AGBL4: variants seen among roughly 807,000 people sequenced by gnomAD.
The protein encoded by AGBL4 is cytosolic carboxypeptidase 6.
In AGBL4, 58 loss-of-function variants were observed where a neutral mutation model predicts 66.4. The ratio of observed to expected loss-of-function variants is 0.87; its 90% CI spans 0.71 to 1.09. The LOEUF (loss-of-function observed/expected upper bound fraction) is 1.09. Among genes scored for constraint, AGBL4 ranks in the 50% least tolerant of loss-of-function variants. The pLI, the probability that AGBL4 is intolerant of heterozygous loss-of-function variation, is 0.00. For missense variants in AGBL4, 579 were observed against 631.0 expected, an observed-to-expected ratio of 0.92 and a Z score of 0.88; for synonymous variants, 234 against 222.9, an observed-to-expected ratio of 1.05 and a Z score of -0.44.
chr1:49,406,861 C>T (rs1156449188), intron 3 of AGBL4, among the ~76,000 whole-genome samples: 2 of 151,656 alleles, frequency 1.3e-5, no homozygotes, highest in Non-Finnish European at 1.5e-5. Flanking sequence ...GTCAGGAAAT[C>T]GAGACCATCC....
intron 3 of AGBL4, among the ~76,000 whole-genome samples, chr1:49,299,375 C>G (rs1456797325): frequency 2.0e-5 from 3 of 152,142 alleles, no homozygotes; most frequent in Non-Finnish European, 4.4e-5. Flanking sequence ...AGCCTTTACT[C>G]TTAAACATTA....
At chr1:49,757,051 T>C (rs1651937655) in intron 2 of AGBL4, among the ~76,000 whole-genome samples, 1 of 152,130 alleles carries the variant, frequency 6.6e-6, no homozygotes, top group Non-Finnish European at 1.5e-5. Flanking sequence ...AGGAACCTCA[T>C]GGGAGGTGAT....
intron 6 of AGBL4, among the ~76,000 whole-genome samples, chr1:48,700,324 C>G (rs1646781668): frequency 6.6e-6 from 1 of 152,208 alleles, no homozygotes; most frequent in African/African-American, 2.4e-5. Context: ...GTCCATGATG[C>G]TCCTTGTGCT....
intron 6 of AGBL4, among the ~76,000 whole-genome samples, chr1:48,816,176 G>A (rs957579856): frequency 1.3e-5 from 2 of 151,884 alleles, no homozygotes. Context: ...TGTTGATTAT[G>A]GATTTTGCTA....
chr1:48,815,870 T>C (rs1303664936), intron 6 of AGBL4, among the ~76,000 whole-genome samples: 1 of 152,224 alleles, frequency 6.6e-6, no homozygotes, highest in Admixed American at 6.5e-5. Context: ...GTTAATTATC[T>C]GCATGTTGCT....
chr1:49,089,669 A>C (rs540753781), intron 4 of AGBL4, among the ~76,000 whole-genome samples: 1 of 152,284 alleles, frequency 6.6e-6, no homozygotes, highest in South Asian at 2.1e-4. Context: ...CAGATGTATA[A>C]AGAAAAACTG....
At chr1:48,760,058 C>A (rs1414243355) in intron 6 of AGBL4, among the ~76,000 whole-genome samples, 1 of 152,180 alleles carries the variant, frequency 6.6e-6, no homozygotes, top group Non-Finnish European at 1.5e-5. Flanking sequence ...TAGTGAGATA[C>A]AAACAGAGCC....
intron 2 of AGBL4, among the ~76,000 whole-genome samples, chr1:49,747,722 T>C (rs1181241133): frequency 2.6e-5 from 4 of 152,158 alleles, no homozygotes; most frequent in African/African-American, 7.2e-5. Flanking sequence ...CCCAACTAAA[T>C]TGGAAACTTA....
rs1569679366 is a variant in AGBL4 at position 48,539,665 on chromosome 1, C to T, written c.1341G>A (p.Val447=). The T allele has an allele frequency of 6.5e-7, 1 of 1,543,904 alleles. No homozygotes were observed. The highest frequency in any genetic ancestry group is 8.8e-7 in the Non-Finnish European group (1 of 1,142,326). The change falls in exon 12 of 14, where the codon GTG becomes GTA. Residue 447 remains valine (V), a synonymous_variant. Coordinates refer to ENST00000371839, the MANE Select transcript of AGBL4 (RefSeq NM_032785.4). ...ACCGCAGTCTCGGCATGGGAATTGC[C>T]ACCTTTTCAACCACGGGGTTCAGCC... ...YYRLNPVVEK[V]AIPMPRLRNK...
intron 1 of AGBL4, among the ~76,000 whole-genome samples, chr1:49,989,416 G>A (rs998964611): frequency 2.6e-5 from 4 of 152,144 alleles, no homozygotes; most frequent in Admixed American, 2.6e-4. Context: ...CAGAGACATG[G>A]TACATAGATA....
intron 1 of AGBL4, among the ~76,000 whole-genome samples, chr1:49,879,257 G>A (rs1339021713): frequency 6.0e-5 from 9 of 149,982 alleles, no homozygotes; most frequent in African/African-American, 9.8e-5. Flanking sequence ...TCCTAGTCTC[G>A]ATGGTCTTTA....
At chr1:48,817,279 G>C (rs1646202652) in intron 6 of AGBL4, among the ~76,000 whole-genome samples, 1 of 152,102 alleles carries the variant, frequency 6.6e-6, no homozygotes, top group Admixed American at 6.5e-5. Flanking sequence ...CACTTAAAAA[G>C]GTACCTGGTT....
At chr1:48,815,909 C>T (rs930424030) in intron 6 of AGBL4, among the ~76,000 whole-genome samples, 2 of 152,164 alleles carry the variant, frequency 1.3e-5, no homozygotes, top group African/African-American at 4.8e-5. Context: ...GATGTGGTCT[C>T]TCTTTCTGAA....
In AGBL4 at chr1:49,245,858, T is replaced by C; in HGVS notation, c.289A>G (p.Ile97Val). Residue 97 changes from isoleucine to valine, a missense_variant, in exon 4 of 14, where the codon ATT becomes GTT. Physicochemically the swap from Ile to Val is conservative, Grantham distance 29. Transcript: ENST00000371839. Reference protein sequence around the residue: ...VENVKESQRVIFNIVNFSKTK... With the variant: ...VENVKESQRVVFNIVNFSKTK... ...TTACTGAAGTTAACAATGTTGAAAA[T>C]GACCCTCTGAAAAAGAAAGAGGGAG... The C allele has an allele frequency of 6.5e-7, 1 of 1,547,684 alleles. No individual in the cohort carries two copies. Among genetic ancestry groups the C allele is most frequent in the African/African-American group, 1.4e-5 (1 of 73,032 alleles).
At chr1:48,617,010 A>G (rs1350954509) in intron 9 of AGBL4, among the ~76,000 whole-genome samples, 1 of 152,042 alleles carries the variant, frequency 6.6e-6, no homozygotes, top group Non-Finnish European at 1.5e-5. Context: ...ATCATAGTAG[A>G]TGTGTTGGCA....
chr1:49,851,342 A>G, intron 2 of AGBL4, 54 bp downstream of exon 2: 1 of 1,480,376 alleles, frequency 6.8e-7, no homozygotes, highest in Middle Eastern at 1.8e-4. Flanking sequence ...CAATTCTGAA[A>G]AAAGAAATGC....
At chr1:48,693,007 C>T (rs1646657718) in intron 6 of AGBL4, among the ~76,000 whole-genome samples, 2 of 152,200 alleles carry the variant, frequency 1.3e-5, no homozygotes, top group African/African-American at 4.8e-5. Context: ...GGCCCATGGT[C>T]ACTGAGTTGG....
intron 5 of AGBL4, among the ~76,000 whole-genome samples, chr1:48,901,118 A>G (rs565605277): frequency 6.6e-6 from 1 of 152,346 alleles, no homozygotes; most frequent in African/African-American, 2.4e-5. Context: ...GCACATAAGA[A>G]AGGCTCAATA....
chr1:49,568,200 T>C (rs902958868), intron 3 of AGBL4, among the ~76,000 whole-genome samples: 1 of 152,104 alleles, frequency 6.6e-6, no homozygotes, highest in Middle Eastern at 3.2e-3. Flanking sequence ...AAAGTCAAAC[T>C]ATCCCTGTCT....
Sources: gnomAD v4.1 joint callset for allele counts (sites outside exome capture counted in the v4.1 genomes callset) on GRCh38, gnomAD v4.1.1 for gene constraint, MANE v1.5 for transcripts, NCBI Gene and HGNC (gene_info 2026-07-23, HGNC 2026-07-21) for gene names.